FBXL18: variants seen among roughly 807,000 people sequenced by gnomAD.
The protein encoded by FBXL18 is F-box and leucine rich repeat protein 18, also known as F-box/LRR-repeat protein 18.
A neutral mutation model predicts 46.0 loss-of-function variants in FBXL18; 36 were observed. The observed-to-expected ratio is 0.78, with a 90% confidence interval of 0.60 to 1.03. The LOEUF (loss-of-function observed/expected upper bound fraction) is 1.03. Among genes scored for constraint, FBXL18 ranks in the 50% least tolerant of loss-of-function variants. The pLI, the probability that FBXL18 is intolerant of heterozygous loss-of-function variation, is 0.00. For synonymous variants in FBXL18, 557 were observed against 465.3 expected (o/e 1.20, Z -2.54); for missense variants, 977 against 1,004.1 (o/e 0.97, Z 0.36).
intron 4 of FBXL18, among the ~76,000 whole-genome samples, chr7:5,483,547 C>A (rs932274732): frequency 2.6e-5 from 4 of 151,876 alleles, no homozygotes; most frequent in Non-Finnish European, 5.9e-5. Flanking sequence ...GAGTTCGAGA[C>A]CAGCCTGACC....
chr7:5,471,784 G>A (rs536663806), downstream of FBXL18, among the ~76,000 whole-genome samples: 2 of 152,354 alleles, frequency 1.3e-5, no homozygotes, highest in East Asian at 1.9e-4. Context: ...CTCTTCGCAT[G>A]TTCTGGCCTC....
chr7:5,458,471 G>A (rs1227280072), intron 4 of FBXL18, among the ~76,000 whole-genome samples: 4 of 151,810 alleles, frequency 2.6e-5, no homozygotes, highest in African/African-American at 9.7e-5. Flanking sequence ...AGGCTGCGGC[G>A]GGCGGATCAC....
chr7:5,463,741 T>TTTTTA (rs1783298564), intron 4 of FBXL18, among the ~76,000 whole-genome samples: 1 of 46,204 alleles, frequency 2.2e-5, no homozygotes, highest in African/African-American at 6.4e-5. Flanking sequence ...TTTTTTTTTT[T>TTTTTA]TTTTTTTTTT....
intron 4 of FBXL18, among the ~76,000 whole-genome samples, chr7:5,467,245 G>C (rs932623323): frequency 3.9e-5 from 6 of 152,148 alleles, no homozygotes; most frequent in African/African-American, 1.4e-4. Context: ...CAGCTGCTCG[G>C]GAGGCTGAGG....
chr7:5,463,702 A>ATATATATATATATATATATATATATATT (rs1479898344), intron 4 of FBXL18, among the ~76,000 whole-genome samples: 1 of 69,030 alleles, frequency 1.4e-5, no homozygotes, highest in African/African-American at 7.2e-5. Context: ...AACTATATAT[A>ATATATATATATATATATATATATATATT]TATTTATTTA....
rs566981148 is a variant in FBXL18, at chr7:5,492,102, G to A, written c.1782-653C>T. ...AGCTAAGAGGTTGGCAGCCAGGGCA[G>A]GGGGGAGGCCCAAGTCCGCACCAAG... is the stretch of plus-strand genomic sequence containing the variant. On this transcript the variant is annotated intron_variant, in intron 3 of 4. Coordinates refer to ENST00000382368, the MANE Select transcript of FBXL18 (RefSeq NM_024963.6). Among the ~76,000 whole-genome samples the A allele has an allele frequency of 2.0e-5, 3 of 151,228 alleles. No individual in the cohort carries two copies. In the South Asian group the frequency reaches 6.3e-4, roughly 32 times the overall value.
downstream of FBXL18, among the ~76,000 whole-genome samples, chr7:5,473,402 T>C (rs934316559): frequency 6.7e-6 from 1 of 149,926 alleles, no homozygotes; most frequent in African/African-American, 2.5e-5. Flanking sequence ...GCCGAGCCTC[T>C]TCCCAGAGCC....
chr7:5,454,685 GA>G (rs1783147963), intron 4 of FBXL18, among the ~76,000 whole-genome samples: 2 of 152,180 alleles, frequency 1.3e-5, no homozygotes, highest in South Asian at 4.1e-4. Context: ...AGAGGTTCAG[GA>G]AGCTGCCCCA....
In FBXL18 at chr7:5,501,490, TGA is replaced by T. The variant is rs1227749928; in HGVS notation, c.777_778del (p.Gln260GlufsTer167). 1 of 1,613,900 alleles carries T rather than the reference TGA, an allele frequency of 6.2e-7. No individual in the cohort carries two copies. The highest frequency in any genetic ancestry group is 8.5e-7 in the Non-Finnish European group (1 of 1,180,000). The stretch of plus-strand genomic sequence containing the variant: ...GGAGATGAGGAAGGCGTGGAGGTTC[TGA>T]GGAGTGCGGTCGCTAAGCACAGCCA... On this transcript the variant is annotated frameshift_variant, in exon 3 of 5. Transcript: ENST00000382368. LOFTEE classifies it high-confidence loss of function.
chr7:5,513,581 C>T (rs1784596864), intron 1 of FBXL18, 76 bp downstream of exon 1: 1 of 1,547,596 alleles, frequency 6.5e-7, no homozygotes, highest in Non-Finnish European at 8.9e-7. Context: ...CAAGGGAACC[C>T]GGGTCGGGAT....
chr7:5,456,064 C>T (rs1366015794), intron 4 of FBXL18, among the ~76,000 whole-genome samples: 2 of 152,178 alleles, frequency 1.3e-5, no homozygotes, highest in Non-Finnish European at 2.9e-5. Flanking sequence ...ACCCAACCTC[C>T]GTTCTGCACT....
chr7:5,471,499 A>G (rs569571035), downstream of FBXL18, among the ~76,000 whole-genome samples: 1 of 151,898 alleles, frequency 6.6e-6, no homozygotes, highest in Admixed American at 6.6e-5. Context: ...GATGGTCTCA[A>G]TCTCCTGACC....
In FBXL18 at chr7:5,507,618, A is replaced by G. The variant is rs188685274; in HGVS notation, c.19-1988T>C. 9.3e-4 allele frequency among the ~76,000 whole-genome samples: 141 copies of G among 150,872 alleles called. 1 individual carries two copies. The highest frequency in any genetic ancestry group is 1.5e-3 in the Non-Finnish European group (102 of 67,560). Reference sequence around the variant, plus strand: ...TGGGAGGCCGAGGCGGGGAAATCACAAGGTCAAGAGATCGAGACCAGCCTG... The same window carrying G: ...TGGGAGGCCGAGGCGGGGAAATCACGAGGTCAAGAGATCGAGACCAGCCTG... On this transcript the variant is annotated intron_variant, in intron 1 of 4. Coordinates refer to ENST00000382368, the MANE Select transcript of FBXL18 (RefSeq NM_024963.6).
At chr7:5,509,192 C>CAAAA (rs35365443) in intron 1 of FBXL18, among the ~76,000 whole-genome samples, 1 of 103,340 alleles carries the variant, frequency 9.7e-6, no homozygotes, top group African/African-American at 4.0e-5. Context: ...GACTCTGTCT[C>CAAAA]AAAAAAAAAA....
chr7:5,495,586 C>T (rs376137174), intron 3 of FBXL18, among the ~76,000 whole-genome samples: 4 of 152,188 alleles, frequency 2.6e-5, no homozygotes, highest in Admixed American at 6.5e-5. Flanking sequence ...CTGGGGGTCA[C>T]GGTGTGGGGG....
At chr7:5,503,411 G>A (rs1017872058) in intron 2 of FBXL18, among the ~76,000 whole-genome samples, 5 of 152,112 alleles carry the variant, frequency 3.3e-5, no homozygotes, top group African/African-American at 1.2e-4. Flanking sequence ...GGAGCACAGT[G>A]GTACAACAAT....
chr7:5,495,977 C>T (rs1055995200), intron 3 of FBXL18: 10 of 445,772 alleles, frequency 2.2e-5, no homozygotes, highest in African/African-American at 1.8e-4. Context: ...CCCACAAAAC[C>T]CACAAAACCC....
In FBXL18 at chr7:5,463,004, T is replaced by TATAC. The variant is rs1221961422; in HGVS notation, c.2001-15162_2001-15161insGTAT. 8.1e-4 allele frequency among the ~76,000 whole-genome samples: 68 copies of TATAC among 83,876 alleles called. 1 individual carries two copies. The highest frequency in any genetic ancestry group is 1.2e-3 in the Non-Finnish European group (47 of 39,662). 55.0% of individuals were successfully genotyped at this position (83,876 alleles called of 152,430 possible). On this transcript the variant is annotated intron_variant and NMD_transcript_variant, in intron 4 of 6. Transcript: ENST00000415009. ...TATATATATATATATATAATATATA[T>TATAC]ACACACACACATGCATAAATGACCA...
Position 5,500,960 on chromosome 7 carries a change from C to T in FBXL18, c.1309G>A (p.Ala437Thr). The change falls in exon 3 of 5, where the codon GCC becomes ACC. Residue 437 changes from alanine to threonine, a missense_variant. By Grantham distance (58) the Ala-to-Thr change is moderately conservative. Transcript: ENST00000382368. ...DSAPRADRAPAQPAMHAVPRG... is the reference protein window; with the variant it reads ...DSAPRADRAPTQPAMHAVPRG... ...GGCACTGCGTGCATGGCCGGCTGGGCGGGCGCGCGGTCGGCGCGCGGCGCG... is the reference window on the plus strand; with the variant it reads ...GGCACTGCGTGCATGGCCGGCTGGGTGGGCGCGCGGTCGGCGCGCGGCGCG... 2 of 1,533,340 alleles carry T rather than the reference C, an allele frequency of 1.3e-6. No homozygotes were observed. Among genetic ancestry groups the T allele is most frequent in the African/African-American group, 1.4e-5 (1 of 72,526 alleles). 95.0% of individuals were successfully genotyped at this position (1,533,340 alleles called of 1,614,324 possible). A position where few individuals can be genotyped will look rare whatever the true frequency, so the allele number is the denominator to read the frequency against.
Sources: gnomAD v4.1 joint callset for allele counts (sites outside exome capture counted in the v4.1 genomes callset) on GRCh38, gnomAD v4.1.1 for gene constraint, MANE v1.5 for transcripts, NCBI Gene and HGNC (gene_info 2026-07-23, HGNC 2026-07-21) for gene names.